GPRASP3: variants seen among roughly 807,000 people sequenced by gnomAD.
GPRASP3 encodes the protein G protein-coupled receptor associated sorting protein 3.
At chrX:102,731,268 G>A in the GPRASP3 span, among the ~76,000 whole-genome samples, 1 of 112,447 alleles carries the variant, frequency 8.9e-6, no homozygotes, top group African/African-American at 3.2e-5. Context: ...ATTCGACCAA[G>A]GGGTACAAAG....
At chrX:102,733,859 G>A in the GPRASP3 span, among the ~76,000 whole-genome samples, 1 of 110,356 alleles carries the variant, frequency 9.1e-6, no homozygotes, top group African/African-American at 3.3e-5. Flanking sequence ...TTTCACCTAG[G>A]TGCAGGCGGG....
chrX:102,747,202 T>A, the GPRASP3 span, among the ~76,000 whole-genome samples: 15 of 112,227 alleles, frequency 1.3e-4, no homozygotes, highest in Admixed American at 9.4e-4. Context: ...CTATGAGAGT[T>A]GGGAGACTTT....
At chrX:102,746,676 A>C in the GPRASP3 span, among the ~76,000 whole-genome samples, 2 of 112,755 alleles carry the variant, frequency 1.8e-5, no homozygotes, top group East Asian at 5.7e-4. Context: ...GTCCCTTCCC[A>C]CAGGCTCCAG....
At chrX:102,724,800 A>G in the GPRASP3 span, among the ~76,000 whole-genome samples, 1 of 109,102 alleles carries the variant, frequency 9.2e-6, no homozygotes, top group African/African-American at 3.4e-5. Context: ...TGTAGCGGGT[A>G]GAATCCTTCC....
the GPRASP3 span, among the ~76,000 whole-genome samples, chrX:102,739,620 G>A: frequency 1.3e-4 from 14 of 111,650 alleles, no homozygotes; most frequent in Admixed American, 1.2e-3. Flanking sequence ...AAGAGGGTGG[G>A]ATTCTTGAAG....
the GPRASP3 span, among the ~76,000 whole-genome samples, chrX:102,737,617 A>G: frequency 1.7e-3 from 192 of 111,568 alleles, 1 homozygote; most frequent in African/African-American, 6.2e-3. Context: ...CCTTTCCCTG[A>G]GCAGCCCTAG....
the GPRASP3 span, among the ~76,000 whole-genome samples, chrX:102,725,788 C>G: frequency 8.9e-6 from 1 of 112,592 alleles, no homozygotes; most frequent in East Asian, 2.8e-4. Flanking sequence ...CTCAGGTGAT[C>G]CACCCGCCTC....
At chrX:102,723,512 A>G in the GPRASP3 span, among the ~76,000 whole-genome samples, 1 of 111,462 alleles carries the variant, frequency 9.0e-6, no homozygotes, top group East Asian at 2.8e-4. Context: ...ATGGTTTTCT[A>G]CTCAAGCTGT....
chrX:102,749,408 A>G, the GPRASP3 span: 2 of 1,210,409 alleles, frequency 1.7e-6, no homozygotes, highest in African/African-American at 3.5e-5. Context: ...ACTAAGAATG[A>G]TAAACCTGAA....
chrX:102,737,923 G>C, the GPRASP3 span, among the ~76,000 whole-genome samples: 1 of 110,872 alleles, frequency 9.0e-6, no homozygotes, highest in African/African-American at 3.3e-5. Context: ...AATAGCAATT[G>C]GTCCCTTAAG....
At chrX:102,750,091 G>A in the GPRASP3 span, 4 of 1,210,373 alleles carry the variant, frequency 3.3e-6, no homozygotes, top group Non-Finnish European at 3.4e-6. Flanking sequence ...CGAAGTAGGT[G>A]TAGTGACACT....
the GPRASP3 span, chrX:102,749,024 C>G: frequency 4.3e-5 from 52 of 1,207,683 alleles, no homozygotes; most frequent in Middle Eastern, 4.8e-4. Flanking sequence ...AAGACAAGAG[C>G]CCAGGCCAAA....
chrX:102,726,685 A>G, the GPRASP3 span, among the ~76,000 whole-genome samples: 5 of 112,360 alleles, frequency 4.4e-5, no homozygotes, highest in Non-Finnish European at 9.4e-5. Context: ...CGACACTGTA[A>G]ATGTGTCTTT....
At chrX:102,751,637 G>A in the GPRASP3 span, 2 of 123,241 alleles carry the variant, frequency 1.6e-5, no homozygotes, top group Admixed American at 9.5e-5. Context: ...TCCATGCCAG[G>A]TGTTACAATT....
the GPRASP3 span, among the ~76,000 whole-genome samples, chrX:102,741,281 G>A: frequency 1.8e-5 from 2 of 112,220 alleles, no homozygotes; most frequent in South Asian, 3.7e-4. Flanking sequence ...GTTTAATCTC[G>A]ATCCTAGGAC....
the GPRASP3 span, chrX:102,753,512 G>A: frequency 8.2e-6 from 1 of 122,544 alleles, no homozygotes; most frequent in South Asian, 3.8e-4. Context: ...TTGAATCTTC[G>A]ACCCATGAAT....
At chrX:102,741,644 G>A in the GPRASP3 span, among the ~76,000 whole-genome samples, 1 of 112,171 alleles carries the variant, frequency 8.9e-6, no homozygotes, top group Non-Finnish European at 1.9e-5. Context: ...TCTTCTGACA[G>A]TCCTAGTGGG....
the GPRASP3 span, chrX:102,751,358 T>G: frequency 1.6e-5 from 2 of 123,565 alleles, no homozygotes; most frequent in Non-Finnish European, 3.8e-5. Flanking sequence ...ATTTTACAAG[T>G]TTTTTTCCTC....
At chrX:102,727,646 A>G in the GPRASP3 span, among the ~76,000 whole-genome samples, 1 of 112,577 alleles carries the variant, frequency 8.9e-6, no homozygotes, top group Non-Finnish European at 1.9e-5. Context: ...GCTACAGCAC[A>G]AAGAGCACAG....
Sources: allele counts gnomAD v4.1 joint callset (sites outside exome capture counted in the v4.1 genomes callset), GRCh38; gene constraint gnomAD v4.1.1; transcripts MANE v1.5; gene names NCBI Gene and HGNC (gene_info 2026-07-23, HGNC 2026-07-21).